Variants in MAGI2 observed in about 807,000 individuals in gnomAD.
MAGI2 encodes the protein membrane-associated guanylate kinase, WW and PDZ domain-containing protein 2.
A neutral mutation model predicts 133.3 loss-of-function variants in MAGI2; 35 were observed. The observed-to-expected ratio is 0.26, with a 90% confidence interval of 0.20 to 0.35. MAGI2 has a LOEUF of 0.35. Ranked by LOEUF, MAGI2 falls within the 10% of genes least tolerant of loss-of-function variation. The probability of loss-of-function intolerance (pLI) is 1.00; values close to 1 mark genes in which losing one functional copy is unlikely to be tolerated. For synonymous variants in MAGI2, 729 were observed against 710.6 expected, an observed-to-expected ratio of 1.03 and a Z score of -0.41; for missense variants, 1,636 against 1,863.4, an observed-to-expected ratio of 0.88 and a Z score of 2.25.
chr7:79,092,313 CAT>C (rs1253885374), intron 1 of MAGI2, among the ~76,000 whole-genome samples: 6 of 152,116 alleles, frequency 3.9e-5, no homozygotes, highest in Admixed American at 6.5e-5. Context: ...GTTCCTAAAA[CAT>C]ATTCATTTTC....
At chr7:78,513,757 C>T (rs1427286320) in intron 4 of MAGI2, among the ~76,000 whole-genome samples, 1 of 152,088 alleles carries the variant, frequency 6.6e-6, no homozygotes, top group African/African-American at 2.4e-5. Context: ...GAAACACTCT[C>T]CCCAGAGGTT....
Position 78,343,890 on chromosome 7 carries a change from G to A in MAGI2, c.1296C>T (p.Ser432=), listed in dbSNP as rs1790639310. The A allele has an allele frequency of 6.2e-7, 1 of 1,613,132 alleles. No homozygotes were observed. The highest frequency in any genetic ancestry group is 1.1e-5 in the South Asian group (1 of 90,888). Residue 432 remains serine (S), a synonymous_variant, in exon 9 of 22, where the codon AGC becomes AGT. Coordinates refer to ENST00000354212, the MANE Select transcript of MAGI2 (RefSeq NM_012301.4). ...GTFLSTTLKK[S]NMGFGFTIIG... ...TGATGGTAAATCCAAAGCCCATGTT[G>A]CTCTTTTTTAGGGTGGTGCTGAGGA...
intron 6 of MAGI2, among the ~76,000 whole-genome samples, chr7:78,426,497 C>T (rs1199773998): frequency 1.3e-5 from 2 of 151,980 alleles, no homozygotes; most frequent in African/African-American, 2.4e-5. Context: ...GGGAGATATA[C>T]CTAATGCTAG....
At chr7:79,326,902 C>T (rs2129086759) in intron 1 of MAGI2, among the ~76,000 whole-genome samples, 1 of 152,258 alleles carries the variant, frequency 6.6e-6, no homozygotes, top group Non-Finnish European at 1.5e-5. Context: ...ACAGAGCTCA[C>T]TGGATTTACA....
At chr7:78,432,482 A>G (rs941995934) in intron 6 of MAGI2, among the ~76,000 whole-genome samples, 8 of 152,104 alleles carry the variant, frequency 5.3e-5, no homozygotes, top group Non-Finnish European at 1.2e-4. Flanking sequence ...AAAATAAGCT[A>G]CGTGTGATTT....
rs1488337907 is a variant in MAGI2, at chr7:79,400,016, G to T, written c.301+53004C>A. ...GAAAATATATGTGAGTGCAGCAAAG[G>T]CTGTCAGAGAAAATAGAAATTGTGA... is the stretch of plus-strand genomic sequence containing the variant. On this transcript the variant is annotated intron_variant, in intron 1 of 21. Coordinates refer to ENST00000354212, the MANE Select transcript of MAGI2 (RefSeq NM_012301.4). Among the ~76,000 whole-genome samples the T allele has an allele frequency of 3.3e-5, 5 of 152,096 alleles. No individual in the cohort carries two copies. In the South Asian group the frequency reaches 6.2e-4, roughly 19 times the overall value.
chr7:78,229,051 T>C (rs1447858267), intron 10 of MAGI2, among the ~76,000 whole-genome samples: 1 of 152,256 alleles, frequency 6.6e-6, no homozygotes. Flanking sequence ...TGGCTCTGCC[T>C]GAGCAGAGTA....
At chr7:78,648,354 C>T (rs1273466484) in intron 2 of MAGI2, among the ~76,000 whole-genome samples, 1 of 152,126 alleles carries the variant, frequency 6.6e-6, no homozygotes, top group Non-Finnish European at 1.5e-5. Context: ...ATGCTCAGTA[C>T]GTTGCAGTAA....
intron 15 of MAGI2, among the ~76,000 whole-genome samples, chr7:78,160,704 C>T (rs1399949063): frequency 2.0e-5 from 3 of 152,170 alleles, no homozygotes; most frequent in Non-Finnish European, 4.4e-5. Flanking sequence ...TACATCTTCA[C>T]GGGCCACCCA....
intron 16 of MAGI2, 158 bp downstream of exon 16, chr7:78,159,867 C>T (rs1399557352): frequency 2.3e-6 from 2 of 875,780 alleles, no homozygotes; most frequent in African/African-American, 1.7e-5. Flanking sequence ...GTCTGCTAGT[C>T]AGTGGTATGG....
intron 2 of MAGI2, among the ~76,000 whole-genome samples, chr7:78,863,335 T>C (rs752356879): frequency 2.0e-5 from 3 of 151,992 alleles, no homozygotes; most frequent in East Asian, 1.9e-4. Context: ...GGCTGAAAAA[T>C]TGTGCATCTG....
chr7:78,298,491 T>A (rs1436111131), intron 9 of MAGI2, among the ~76,000 whole-genome samples: 1 of 152,168 alleles, frequency 6.6e-6, no homozygotes, highest in Non-Finnish European at 1.5e-5. Flanking sequence ...GTCTTCACAA[T>A]TTTTCTATAA....
chr7:78,573,226 A>AT (rs1801769206), intron 3 of MAGI2, among the ~76,000 whole-genome samples: 2 of 66,954 alleles, frequency 3.0e-5, no homozygotes, highest in African/African-American at 7.7e-5. Context: ...AAATATATAT[A>AT]AATATAAATA....
rs1368212400 is a variant in MAGI2, at chr7:78,316,802, A to G, written c.1408+26976T>C. ...ATACTGTTCAATCCTTACAGATTTT[A>G]TAAACTATATAGGACAGCAGATGAG... On this transcript the variant is annotated intron_variant, in intron 9 of 21. Transcript: ENST00000354212. 3.9e-5 allele frequency among the ~76,000 whole-genome samples: 6 copies of G among 152,220 alleles called. No homozygotes were observed. In the East Asian group the frequency reaches 1.2e-3, roughly 29 times the overall value.
At chr7:79,302,506 G>A (rs990482717) in intron 1 of MAGI2, among the ~76,000 whole-genome samples, 2 of 152,106 alleles carry the variant, frequency 1.3e-5, no homozygotes, top group Non-Finnish European at 2.9e-5. Context: ...TCTATGACTG[G>A]AGCCAGGGGC....
rs916742480 is a variant in MAGI2, at chr7:79,197,881, C to T, written c.302-190675G>A. ...CTAATATCATATCACTTCACAAAGA[C>T]CCCATCTCTTAATATTATTGCATTG... On this transcript the variant is annotated intron_variant, in intron 1 of 21. Transcript: ENST00000354212. 2.3e-4 allele frequency among the ~76,000 whole-genome samples: 35 copies of T among 151,810 alleles called. 1 individual carries two copies. The highest frequency in any genetic ancestry group is 8.5e-4 in the African/African-American group (35 of 41,228).
At chr7:79,237,304 C>A (rs1410835270) in intron 1 of MAGI2, among the ~76,000 whole-genome samples, 1 of 152,262 alleles carries the variant, frequency 6.6e-6, no homozygotes, top group South Asian at 2.1e-4. Flanking sequence ...ACCATCCTGG[C>A]TAACACGGTG....
intron 1 of MAGI2, among the ~76,000 whole-genome samples, chr7:79,135,386 T>C (rs1821295791): frequency 6.6e-6 from 1 of 152,180 alleles, no homozygotes; most frequent in Admixed American, 6.5e-5. Flanking sequence ...AGCCATCTTA[T>C]CAAAGGAAGA....
At chr7:78,510,010 A>T (rs936377660) in intron 4 of MAGI2, among the ~76,000 whole-genome samples, 1 of 152,170 alleles carries the variant, frequency 6.6e-6, no homozygotes, top group Non-Finnish European at 1.5e-5. Context: ...AAATCCAATA[A>T]TTTTTTCTCC....
Sources: allele counts gnomAD v4.1 joint callset (sites outside exome capture counted in the v4.1 genomes callset), GRCh38; gene constraint gnomAD v4.1.1; transcripts MANE v1.5; gene names NCBI Gene and HGNC (gene_info 2026-07-23, HGNC 2026-07-21).